The following PTPRD variants were observed in gnomAD, a reference collection of about 807,000 sequenced individuals.
The protein encoded by PTPRD is protein tyrosine phosphatase receptor type D.
PTPRD carries 34 observed loss-of-function variants against 214.5 expected under a neutral mutation model. That is an observed-to-expected ratio of 0.16 (90% CI 0.12 to 0.21). PTPRD has a LOEUF of 0.21. Among genes scored for constraint, PTPRD ranks in the 10% least tolerant of loss-of-function variants. PTPRD has a pLI of 1.00. For missense variants in PTPRD, 2,545 were observed against 2,398.7 expected (o/e 1.06, Z -1.27); for synonymous variants, 1,128 against 845.7 (o/e 1.33, Z -5.79).
At chr9:9,052,242 A>G (rs1363596378) in intron 10 of PTPRD, among the ~76,000 whole-genome samples, 1 of 152,270 alleles carries the variant, frequency 6.6e-6, no homozygotes, top group Middle Eastern at 3.4e-3. Flanking sequence ...TGCCCTTATT[A>G]TCTAATCACT....
At chr9:9,200,851 A>G (rs558566807) in intron 9 of PTPRD, among the ~76,000 whole-genome samples, 1 of 152,336 alleles carries the variant, frequency 6.6e-6, no homozygotes, top group East Asian at 1.9e-4. Context: ...CTTACACAAA[A>G]CCATCATTGA....
chr9:9,693,189 C>T (rs1450526892), intron 7 of PTPRD, among the ~76,000 whole-genome samples: 1 of 151,090 alleles, frequency 6.6e-6, no homozygotes, highest in Non-Finnish European at 1.5e-5. Context: ...GCATCCTTGT[C>T]TTGTTCCAGA....
rs138705150 is a variant in PTPRD at position 10,024,627 on chromosome 9, T to G, written c.-472+9091A>C. On this transcript the variant is annotated intron_variant, in intron 4 of 45. Coordinates refer to ENST00000381196, the MANE Select transcript of PTPRD (RefSeq NM_002839.4). ...ATTTAGAAATTTTATGATTCTTTTTTTTAAATTTTATTATTATTATACTTT... is the reference window on the plus strand; with the variant it reads ...ATTTAGAAATTTTATGATTCTTTTTGTTAAATTTTATTATTATTATACTTT... 9.9e-5 allele frequency among the ~76,000 whole-genome samples: 15 copies of G among 151,958 alleles called. No individual in the cohort carries two copies. The East Asian group carries it at 2.9e-3, about 29-fold the overall frequency.
At chr9:10,154,688 G>C (rs1251841868) in intron 3 of PTPRD, among the ~76,000 whole-genome samples, 40 of 152,056 alleles carry the variant, frequency 2.6e-4, no homozygotes, top group Non-Finnish European at 5.9e-4. Flanking sequence ...AGCTATCCCA[G>C]TACCATTTAT....
chr9:8,661,845 T>C (rs1033753340), intron 12 of PTPRD, among the ~76,000 whole-genome samples: 9 of 152,230 alleles, frequency 5.9e-5, no homozygotes, highest in South Asian at 2.1e-4. Context: ...TAAAACTTCA[T>C]AGCATTTTGT....
chr9:10,593,541 T>C (rs1469573563), intron 2 of PTPRD, among the ~76,000 whole-genome samples: 1 of 151,970 alleles, frequency 6.6e-6, no homozygotes, highest in Non-Finnish European at 1.5e-5. Flanking sequence ...ATAGAAGAGA[T>C]TAGGGATTTT....
chr9:10,437,265 C>T (rs2098725543), intron 2 of PTPRD, among the ~76,000 whole-genome samples: 1 of 151,768 alleles, frequency 6.6e-6, no homozygotes, highest in African/African-American at 2.4e-5. Flanking sequence ...AAGTATATTT[C>T]AAAAACTATA....
chr9:10,232,566 T>A (rs1594903414), intron 3 of PTPRD, among the ~76,000 whole-genome samples: 1 of 152,110 alleles, frequency 6.6e-6, no homozygotes, highest in East Asian at 2.0e-4. Flanking sequence ...CAGATGGCGT[T>A]TTGCATAGAT....
intron 10 of PTPRD, among the ~76,000 whole-genome samples, chr9:9,179,314 G>A (rs1183550286): frequency 1.3e-5 from 2 of 151,922 alleles, no homozygotes; most frequent in Non-Finnish European, 2.9e-5. Context: ...AAAGCATTTG[G>A]CTATAGAACC....
intron 3 of PTPRD, among the ~76,000 whole-genome samples, chr9:10,040,949 C>T (rs1567258901): frequency 6.6e-6 from 1 of 152,038 alleles, no homozygotes; most frequent in Non-Finnish European, 1.5e-5. Flanking sequence ...GTGGGTGAGA[C>T]TGCTTTTTCT....
At chr9:9,868,033 A>G (rs2064426663) in intron 5 of PTPRD, among the ~76,000 whole-genome samples, 1 of 152,152 alleles carries the variant, frequency 6.6e-6, no homozygotes, top group Non-Finnish European at 1.5e-5. Context: ...GGGACTTGGT[A>G]GGAAAAACGG....
At chr9:9,532,173 T>A (rs554756626) in intron 8 of PTPRD, among the ~76,000 whole-genome samples, 16 of 152,128 alleles carry the variant, frequency 1.1e-4, no homozygotes, top group Non-Finnish European at 1.9e-4. Flanking sequence ...ACAAGGTGAA[T>A]GTGACTCAGA....
At chr9:8,751,309 T>C (rs1358178815) in intron 11 of PTPRD, among the ~76,000 whole-genome samples, 1 of 151,910 alleles carries the variant, frequency 6.6e-6, no homozygotes, top group Non-Finnish European at 1.5e-5. Flanking sequence ...ATGGAAAAAA[T>C]CTGCTTTCAT....
Position 8,711,578 on chromosome 9 carries a change from C to CAT in PTPRD, c.64+22201_64+22202insAT, listed in dbSNP as rs111564998. Among the ~76,000 whole-genome samples the CAT allele has an allele frequency of 9.1e-3, 1,383 of 152,188 alleles. 32 individuals are homozygous for CAT. The highest frequency in any genetic ancestry group is 0.032 in the African/African-American group (1,319 of 41,504). On this transcript the variant is annotated intron_variant, in intron 12 of 45. Transcript: ENST00000381196. ...TCATTTACCAAAAATACAAAGATCACGTCTCCAAGCAATAATTCTCAGCCT... is the reference window on the plus strand; with the variant it reads ...TCATTTACCAAAAATACAAAGATCACATGTCTCCAAGCAATAATTCTCAGCCT...
intron 44 of PTPRD, among the ~76,000 whole-genome samples, chr9:8,331,343 G>T (rs902849208): frequency 1.3e-5 from 2 of 151,952 alleles, no homozygotes; most frequent in African/African-American, 4.8e-5. Flanking sequence ...AATTTGGTTT[G>T]TCTAATAGGA....
Position 8,888,119 on chromosome 9 carries a change from G to A in PTPRD, c.-104+130578C>T, listed in dbSNP as rs79332510. ...GTGGTATTAGTTTCCTTTTGCTTTC[G>A]TTAAAGAGTGCTCATCACTCCATGA... is the stretch of plus-strand genomic sequence containing the variant. On this transcript the variant is annotated intron_variant, in intron 11 of 45. Transcript: ENST00000381196. Among the ~76,000 whole-genome samples the A allele has an allele frequency of 7.6e-3, 1,153 of 152,174 alleles. 7 individuals are homozygous for A. The highest frequency in any genetic ancestry group is 0.018 in the African/African-American group (740 of 41,526).
chr9:8,705,376 C>T (rs113307910), intron 12 of PTPRD, among the ~76,000 whole-genome samples: 7 of 152,114 alleles, frequency 4.6e-5, no homozygotes, highest in Admixed American at 1.3e-4. Context: ...CCTGCTACCA[C>T]GCCCAGCTAA....
At chr9:9,445,020 T>TA (rs1220719737) in intron 8 of PTPRD, among the ~76,000 whole-genome samples, 2 of 152,282 alleles carry the variant, frequency 1.3e-5, no homozygotes, top group African/African-American at 2.4e-5. Flanking sequence ...GATCAAATTT[T>TA]AAAAAAATGA....
chr9:10,521,263 A>C (rs1275694053), intron 2 of PTPRD, among the ~76,000 whole-genome samples: 2 of 152,132 alleles, frequency 1.3e-5, no homozygotes, highest in East Asian at 3.9e-4. Flanking sequence ...GGATGAAGTT[A>C]CTACAGAGGT....
Sources: gnomAD v4.1 joint callset for allele counts (sites outside exome capture counted in the v4.1 genomes callset) on GRCh38, gnomAD v4.1.1 for gene constraint, MANE v1.5 for transcripts, NCBI Gene and HGNC (gene_info 2026-07-23, HGNC 2026-07-21) for gene names.